CYP7B1: variants seen among roughly 807,000 people sequenced by gnomAD.
CYP7B1 encodes the protein cytochrome P450 family 7 subfamily B member 1.
In CYP7B1, 29 loss-of-function variants were observed where a neutral mutation model predicts 42.7. The observed-to-expected ratio is 0.68, with a 90% CI of 0.51 to 0.93. The LOEUF (loss-of-function observed/expected upper bound fraction) is 0.93, where lower values mean the gene tolerates loss of function less well. CYP7B1 is among the 40% of genes least tolerant of loss of function. CYP7B1 has a pLI of 0.00. For missense variants in CYP7B1, 655 were observed against 600.5 expected (o/e 1.09, Z -0.95); for synonymous variants, 235 against 218.2 (o/e 1.08, Z -0.68).
rs1246715285 is a variant in CYP7B1, at chr8:64,798,471, G to A, written c.117C>T (p.Arg39=). The A allele has an allele frequency of 5.3e-6, 8 of 1,512,210 alleles. No individual in the cohort carries two copies. The highest frequency in any genetic ancestry group is 1.4e-5 in the African/African-American group (1 of 69,816). 93.7% of individuals were successfully genotyped at this position (1,512,210 alleles called of 1,614,324 possible). The stretch of plus-strand genomic sequence containing the variant: ...CTGGCGGCCGAGGCGCTTACCTGGT[G>A]CGCCGGACAAGCAAGCAGAGGGCCA... ...LLLALCLLVR[R]TRRPGEPPLI... The change falls in exon 1 of 6, where the codon CGC becomes CGT. Residue 39 remains arginine (R), a synonymous_variant. Coordinates refer to ENST00000310193, the MANE Select transcript of CYP7B1 (RefSeq NM_004820.5).
chr8:64,656,578 A>T (rs1010822518), intron 1 of CYP7B1, among the ~76,000 whole-genome samples: 2 of 152,256 alleles, frequency 1.3e-5, no homozygotes, highest in African/African-American at 4.8e-5. Context: ...CTAGCTGCCA[A>T]GACACCAGGG....
intron 1 of CYP7B1, among the ~76,000 whole-genome samples, chr8:64,712,593 C>T (rs541560801): frequency 1.1e-4 from 16 of 151,800 alleles, no homozygotes; most frequent in African/African-American, 3.9e-4. Flanking sequence ...TTGTTAAATA[C>T]ACTCTTGAAT....
chr8:64,758,484 A>G (rs547136749), intron 1 of CYP7B1, among the ~76,000 whole-genome samples: 24 of 152,244 alleles, frequency 1.6e-4, no homozygotes, highest in African/African-American at 4.8e-4. Flanking sequence ...CTCATCTATC[A>G]AACAGAGATA....
chr8:64,624,325 T>C (rs1805574463), intron 2 of CYP7B1, 78 bp downstream of exon 2: 2 of 1,369,894 alleles, frequency 1.5e-6, no homozygotes, highest in Admixed American at 3.8e-5. Context: ...ACATTTTGCC[T>C]AGAGAAAAAC....
chr8:64,774,556 G>A (rs145161441), intron 1 of CYP7B1, among the ~76,000 whole-genome samples: 28 of 152,192 alleles, frequency 1.8e-4, no homozygotes, highest in African/African-American at 6.0e-4. Context: ...TAAAAACACT[G>A]ACAAATCTTG....
At chr8:64,629,477 C>A (rs1805657740) in intron 1 of CYP7B1, among the ~76,000 whole-genome samples, 1 of 151,918 alleles carries the variant, frequency 6.6e-6, no homozygotes, top group Non-Finnish European at 1.5e-5. Context: ...TGTAACAGTG[C>A]CTTAGTTTTA....
At chr8:64,588,299 A>G (rs1312719856), downstream of CYP7B1, among the ~76,000 whole-genome samples, 1 of 152,246 alleles carries the variant, frequency 6.6e-6, no homozygotes, top group Non-Finnish European at 1.5e-5. Flanking sequence ...CTAACCACCC[A>G]TAAATTAACA....
intron 1 of CYP7B1, among the ~76,000 whole-genome samples, chr8:64,664,010 G>A (rs1806239153): frequency 1.3e-5 from 2 of 152,282 alleles, no homozygotes; most frequent in South Asian, 2.1e-4. Flanking sequence ...GGTCACACAC[G>A]CTCTGCCCCC....
chr8:64,630,176 T>C (rs1319057561), intron 1 of CYP7B1, among the ~76,000 whole-genome samples: 3 of 150,042 alleles, frequency 2.0e-5, no homozygotes, highest in Non-Finnish European at 4.4e-5. Context: ...TCTTACATTT[T>C]ATTAAATAGT....
intron 1 of CYP7B1, among the ~76,000 whole-genome samples, chr8:64,668,522 T>G (rs1377196381): frequency 1.3e-5 from 2 of 152,098 alleles, no homozygotes; most frequent in Non-Finnish European, 2.9e-5. Flanking sequence ...GTACTATAAA[T>G]TAAAATGATT....
chr8:64,711,787 A>G (rs1177237165), intron 1 of CYP7B1, among the ~76,000 whole-genome samples: 1 of 152,204 alleles, frequency 6.6e-6, no homozygotes, highest in Non-Finnish European at 1.5e-5. Flanking sequence ...GCTCAGAAAG[A>G]TATCTACTCA....
In CYP7B1 at chr8:64,591,761, T is replaced by C. The variant is rs1413401524; in HGVS notation, c.*4881A>G. On this transcript the variant is annotated 3_prime_UTR_variant, in exon 6 of 6. Coordinates refer to ENST00000310193, the MANE Select transcript of CYP7B1 (RefSeq NM_004820.5). ...TAAGCATGCCTGATTTAGTGATAGG[T>C]AGCTTTTTCTTAACCACTTCAGGGC... 6.6e-6 allele frequency among the ~76,000 whole-genome samples: 1 copy of C among 152,186 alleles called. No homozygotes were observed. The highest frequency in any genetic ancestry group is 1.5e-5 in the Non-Finnish European group (1 of 68,038).
intron 1 of CYP7B1, among the ~76,000 whole-genome samples, chr8:64,795,704 T>C (rs777808551): frequency 6.6e-6 from 1 of 152,248 alleles, no homozygotes; most frequent in Non-Finnish European, 1.5e-5. Context: ...TAGTAAATTA[T>C]GTTGACTCTG....
intron 1 of CYP7B1, among the ~76,000 whole-genome samples, chr8:64,756,265 A>C (rs1033321272): frequency 1.3e-5 from 2 of 152,222 alleles, no homozygotes; most frequent in Non-Finnish European, 1.5e-5. Context: ...TTGGAGTTTC[A>C]GAAGAGCCCT....
chr8:64,644,942 G>T (rs991423156), intron 1 of CYP7B1, among the ~76,000 whole-genome samples: 10 of 141,472 alleles, frequency 7.1e-5, no homozygotes, highest in Non-Finnish European at 1.4e-4. Context: ...CCCAGAGTGT[G>T]ATGTTATCCT....
chr8:64,743,137 T>C (rs572437527), intron 1 of CYP7B1, among the ~76,000 whole-genome samples: 1 of 152,020 alleles, frequency 6.6e-6, no homozygotes, highest in Non-Finnish European at 1.5e-5. Flanking sequence ...AAAAAACAAA[T>C]AAACAAAAAA....
At chr8:64,629,342 G>A (rs1805655116) in intron 1 of CYP7B1, among the ~76,000 whole-genome samples, 1 of 151,172 alleles carries the variant, frequency 6.6e-6, no homozygotes, top group Admixed American at 6.6e-5. Flanking sequence ...TCAGGTTATT[G>A]CAATAACCTC....
chr8:64,775,494 T>C (rs532499406), intron 1 of CYP7B1, among the ~76,000 whole-genome samples: 47 of 152,314 alleles, frequency 3.1e-4, no homozygotes, highest in Non-Finnish European at 5.4e-4. Flanking sequence ...GATAGTTCTT[T>C]CCTTAGTTAC....
chr8:64,594,994 C>T lies in CYP7B1; in HGVS notation c.*1648G>A, dbSNP rs559117734. On this transcript the variant is annotated 3_prime_UTR_variant, in exon 6 of 6. Coordinates refer to ENST00000310193, the MANE Select transcript of CYP7B1 (RefSeq NM_004820.5). ...AAGAACATCAAAGACAAAGAGGACA[C>T]GTTAAAGTAGTCAGAGAGAAGAGAC... is the stretch of plus-strand genomic sequence containing the variant. Among the ~76,000 whole-genome samples the T allele has an allele frequency of 6.6e-6, 1 of 152,290 alleles. No individual in the cohort carries two copies. The highest frequency in any genetic ancestry group is 1.9e-4 in the East Asian group (1 of 5,188).
Sources: gnomAD v4.1 joint callset for allele counts (sites outside exome capture counted in the v4.1 genomes callset) on GRCh38, gnomAD v4.1.1 for gene constraint, MANE v1.5 for transcripts, NCBI Gene and HGNC (gene_info 2026-07-23, HGNC 2026-07-21) for gene names.